The following AMBP variants were observed in gnomAD, a reference collection of about 807,000 sequenced individuals.
AMBP encodes protein AMBP.
AMBP carries 37 observed loss-of-function variants against 46.3 expected under a neutral mutation model. The ratio of observed to expected loss-of-function variants is 0.80; its 90% CI spans 0.61 to 1.05. The LOEUF (loss-of-function observed/expected upper bound fraction) is 1.05, where lower values mean the gene tolerates loss of function less well. Among genes scored for constraint, AMBP ranks in the 50% least tolerant of loss-of-function variants. The pLI, the probability that AMBP is intolerant of heterozygous loss-of-function variation, is 0.00. For missense variants in AMBP, 475 were observed against 461.2 expected, an observed-to-expected ratio of 1.03 and a Z score of -0.27; for synonymous variants, 174 against 175.9, an observed-to-expected ratio of 0.99 and a Z score of 0.09.
intron 5 of AMBP, among the ~76,000 whole-genome samples, chr9:114,071,702 C>G (rs1425504300): frequency 6.6e-6 from 1 of 152,232 alleles, no homozygotes; most frequent in African/African-American, 2.4e-5. Context: ...AACTTGCGTA[C>G]AGAGCACCCA....
intron 1 of AMBP, 44 bp from the exon 2 acceptor site, chr9:114,076,784 C>T (rs1431767083): frequency 2.4e-5 from 39 of 1,600,568 alleles, no homozygotes; most frequent in Non-Finnish European, 3.2e-5. Context: ...AGTCTCAGAC[C>T]TCAAAGCAGA....
At chr9:114,075,084 G>C (rs374358169) in intron 2 of AMBP, 48 bp from the exon 3 acceptor site, 3 of 1,517,738 alleles carry the variant, frequency 2.0e-6, no homozygotes, top group Admixed American at 1.7e-5. Context: ...TAGAGATCAT[G>C]GTCCTGACAC....
intron 6 of AMBP, among the ~76,000 whole-genome samples, chr9:114,068,058 G>C (rs1846710613): frequency 6.6e-6 from 1 of 152,168 alleles, no homozygotes; most frequent in Non-Finnish European, 1.5e-5. Flanking sequence ...TATCGATCTA[G>C]ACAATTTAAA....
rs564718530 is a variant in AMBP, at chr9:114,072,908, G to A, written c.556+17C>T. On this transcript the variant is annotated intron_variant, in intron 5 of 9. Transcript: ENST00000265132. The stretch of plus-strand genomic sequence containing the variant: ...CGAAGAGGGGACAGGAATTTGAGGC[G>A]GAGGGGTGCTATGTACCTCGGTCAG... 45 of 1,610,588 alleles carry A rather than the reference G, an allele frequency of 2.8e-5. No homozygotes were observed. The highest frequency in any genetic ancestry group is 1.1e-4 in the African/African-American group (8 of 74,928).
At chr9:114,064,719 A>G (rs1846676317) in intron 6 of AMBP, among the ~76,000 whole-genome samples, 1 of 151,910 alleles carries the variant, frequency 6.6e-6, no homozygotes, top group African/African-American at 2.4e-5. Flanking sequence ...CATCAGTGTC[A>G]CTCAAGGAAA....
intron 1 of AMBP, among the ~76,000 whole-genome samples, chr9:114,077,056 C>T (rs570131994): frequency 1.3e-5 from 2 of 152,310 alleles, no homozygotes; most frequent in East Asian, 1.9e-4. Flanking sequence ...TCAACCACTG[C>T]TCCCCAAGAG....
chr9:114,062,505 C>A (rs1846650430), intron 7 of AMBP, among the ~76,000 whole-genome samples, 172 bp downstream of exon 7: 1 of 152,184 alleles, frequency 6.6e-6, no homozygotes, highest in South Asian at 2.1e-4. Context: ...TTCTCTCTGC[C>A]CCCACAACCC....
intron 9 of AMBP, among the ~76,000 whole-genome samples, chr9:114,060,475 T>C (rs1330698414): frequency 1.3e-5 from 2 of 152,196 alleles, no homozygotes; most frequent in Non-Finnish European, 2.9e-5. Context: ...CACAGACATC[T>C]TCAATGGTTG....
chr9:114,061,463 C>G lies in AMBP; in HGVS notation c.814G>C (p.Val272Leu), dbSNP rs559236795. ...GTCTGCAGACACTCCTTTTCTGTGA[C>G]GAAGTTGTTACCGTTGCCCATGCAG... ...GGCMGNGNNFVTEKECLQTCR... is the reference protein window; with the variant it reads ...GGCMGNGNNFLTEKECLQTCR... The change falls in exon 8 of 10, where the codon GTC (valine) becomes CTC (leucine). Residue 272 changes from valine to leucine, a missense_variant. By Grantham distance (32) the Val-to-Leu change is conservative (BLOSUM62 1). Coordinates refer to ENST00000265132, the MANE Select transcript of AMBP (RefSeq NM_001633.4). The G allele has an allele frequency of 3.7e-6, 6 of 1,614,012 alleles. No homozygotes were observed. Among genetic ancestry groups the G allele is most frequent in the Non-Finnish European group, 5.1e-6 (6 of 1,180,008 alleles).
In AMBP at chr9:114,060,162, C is replaced by T. The variant is rs1588486717; in HGVS notation, c.*77G>A. 3 of 1,480,216 alleles carry T rather than the reference C, an allele frequency of 2.0e-6. No homozygotes were observed. The highest frequency in any genetic ancestry group is 4.7e-5 in the East Asian group (2 of 42,594). The allele number at this position is 1,480,216 out of a possible 1,614,324, so 91.7% of individuals were successfully genotyped here. ...TTACAATTTAGTTTTTATTTGGACCCAGGTTGCTTGGCGCTGCCTGCCACA... is the reference window on the plus strand; with the variant it reads ...TTACAATTTAGTTTTTATTTGGACCTAGGTTGCTTGGCGCTGCCTGCCACA... On this transcript the variant is annotated 3_prime_UTR_variant, in exon 10 of 10. Coordinates refer to ENST00000265132, the MANE Select transcript of AMBP (RefSeq NM_001633.4).
At chr9:114,069,069 T>C (rs756020268) in intron 6 of AMBP, among the ~76,000 whole-genome samples, 1 of 151,696 alleles carries the variant, frequency 6.6e-6, no homozygotes, top group Non-Finnish European at 1.5e-5. Flanking sequence ...TATATACACA[T>C]ATATATATAC....
intron 7 of AMBP, among the ~76,000 whole-genome samples, chr9:114,062,457 G>A (rs374680817): frequency 1.3e-5 from 2 of 152,332 alleles, no homozygotes; most frequent in South Asian, 4.1e-4. Context: ...TCATCATGGA[G>A]TTGACAGTTC....
chr9:114,061,443 C>T lies in AMBP; in HGVS notation c.834G>A (p.Leu278=), dbSNP rs74979552. ...GNNFVTEKEC[L]QTCRTVAACN... is the part of the protein sequence containing the mutation. ...ACTCACCCACAGTTCGGCAGGTCTG[C>T]AGACACTCCTTTTCTGTGACGAAGT... The change falls in exon 8 of 10, where the codon CTG becomes CTA. Residue 278 remains leucine, a synonymous_variant. Transcript: ENST00000265132. 393 of 1,614,094 alleles carry T rather than the reference C, an allele frequency of 2.4e-4. 1 individual carries two copies. In the African/African-American group the frequency reaches 4.8e-3, roughly 20 times the overall value.
intron 6 of AMBP, among the ~76,000 whole-genome samples, chr9:114,064,988 C>T (rs1846679479): frequency 6.6e-6 from 1 of 152,096 alleles, no homozygotes; most frequent in African/African-American, 2.4e-5. Flanking sequence ...ATGGAGTTCA[C>T]AGAATGGGAG....
intron 1 of AMBP, chr9:114,077,565 C>T (rs909937243): frequency 6.4e-6 from 1 of 157,394 alleles, no homozygotes; most frequent in African/African-American, 2.4e-5. Flanking sequence ...TGTCTCCCAA[C>T]CCTAATCTCT....
Position 114,078,134 on chromosome 9 carries a change from G to A in AMBP, c.76C>T (p.Pro26Ser). 1 of 1,613,844 alleles carries A rather than the reference G, an allele frequency of 6.2e-7. No individual in the cohort carries two copies. Among genetic ancestry groups the A allele is most frequent in the Non-Finnish European group, 8.5e-7 (1 of 1,180,048 alleles). The change falls in exon 1 of 10, where the codon CCC becomes TCC. Residue 26 changes from proline to serine, a missense_variant. Pro to Ser is a moderately conservative substitution (Grantham distance 74). Around this residue, in one of 3 missense-constraint regions of AMBP, gnomAD observed 179 missense variants for 167.4 expected, o/e 1.07. Transcript: ENST00000265132. ...TTTTCCTGCACTTGGATGTTGTCGG[G>A]CGGCGTTGGCACAGGGCCAGCGCTC... ...AVSAGPVPTPPDNIQVQENFN... is the reference protein window; with the variant it reads ...AVSAGPVPTPSDNIQVQENFN...
chr9:114,075,524 T>C (rs529651609), intron 2 of AMBP, among the ~76,000 whole-genome samples: 2 of 152,336 alleles, frequency 1.3e-5, no homozygotes, highest in South Asian at 4.1e-4. Flanking sequence ...ACGAATTAGC[T>C]ATTATTGTTA....
chr9:114,062,731 C>G lies in AMBP; in HGVS notation c.631G>C (p.Glu211Gln). Residue 211 changes from glutamate (E) to glutamine (Q), a missense_variant, in exon 7 of 10, where the codon GAA becomes CAA. Around this residue, in one of 3 missense-constraint regions of AMBP, gnomAD observed 293 missense variants for 276.9 expected, o/e 1.06. Coordinates refer to ENST00000265132, the MANE Select transcript of AMBP (RefSeq NM_001633.4). ...PRVRRAVLPQEEEGSGGGQLV... is the reference protein window; with the variant it reads ...PRVRRAVLPQQEEGSGGGQLV... ...TGCCCACCCCCTGATCCTTCCTCTT[C>G]TTGGGGTAGCACAGCCCTCCGGACT... The G allele has an allele frequency of 6.2e-7, 1 of 1,614,090 alleles. No individual in the cohort carries two copies. Among genetic ancestry groups the G allele is most frequent in the Non-Finnish European group, 8.5e-7 (1 of 1,180,028 alleles).
chr9:114,068,695 G>C (rs1846715569), intron 6 of AMBP, among the ~76,000 whole-genome samples: 1 of 149,396 alleles, frequency 6.7e-6, no homozygotes, highest in Non-Finnish European at 1.5e-5. Flanking sequence ...TTTAATAACA[G>C]TATATCTAAA....
Sources: gnomAD v4.1 joint callset for allele counts (sites outside exome capture counted in the v4.1 genomes callset) on GRCh38, gnomAD v4.1.1 for gene constraint, gnomAD v4.1.1 regional missense constraint, MANE v1.5 for transcripts, NCBI Gene and HGNC (gene_info 2026-07-23, HGNC 2026-07-21) for gene names.